The following ADGRG7 variants were observed in gnomAD, a reference collection of about 807,000 sequenced individuals.
ADGRG7 encodes adhesion G protein-coupled receptor G7, also known as G-protein coupled receptor 128.
In ADGRG7, 82 loss-of-function variants were observed where a neutral mutation model predicts 88.6. That is an observed-to-expected ratio of 0.93 (90% confidence interval 0.77 to 1.11). ADGRG7 has a LOEUF of 1.11. ADGRG7 is among the 50% of genes most tolerant of loss of function. The pLI is 0.00. For missense variants in ADGRG7, 945 were observed against 953.4 expected (o/e 0.99, Z 0.12); for synonymous variants, 381 against 345.2 (o/e 1.10, Z -1.15).
At chr3:100,665,290 G>A (rs902197044) in intron 14 of ADGRG7, 11 of 540,536 alleles carry the variant, frequency 2.0e-5, no homozygotes, top group South Asian at 2.8e-5. Context: ...CGAGGTTGTC[G>A]TTCAGGTAGT....
At chr3:100,622,291 T>C (rs114261972) in intron 1 of ADGRG7, among the ~76,000 whole-genome samples, 2,180 of 147,786 alleles carry the variant, frequency 0.015, 47 homozygotes, top group African/African-American at 0.051. Context: ...TTTTTGCTTA[T>C]GGTTGTCCAG....
At chr3:100,632,757 A>G (rs756503638) in intron 3 of ADGRG7, among the ~76,000 whole-genome samples, 1 of 152,186 alleles carries the variant, frequency 6.6e-6, no homozygotes, top group African/African-American at 2.4e-5. Flanking sequence ...GCAACTACTT[A>G]AGTATTAACT....
At position 100,612,056 on chromosome 3, in the gene ADGRG7, A is replaced by C. The variant is rs1707162247; in HGVS notation, c.115+2085A>C. 2.6e-5 allele frequency among the ~76,000 whole-genome samples: 4 copies of C among 152,118 alleles called. No individual in the cohort carries two copies. The South Asian group carries it at 6.2e-4, about 24-fold the overall frequency. The stretch of plus-strand genomic sequence containing the variant: ...TGTCTTAGTAGGGAAAATATATATA[A>C]ACACACAAAATTTTGCATAAATTAA... On this transcript the variant is annotated intron_variant, in intron 1 of 15. Coordinates refer to ENST00000273352, the MANE Select transcript of ADGRG7 (RefSeq NM_032787.3).
At chr3:100,645,474 G>A (rs76224021) in intron 8 of ADGRG7, among the ~76,000 whole-genome samples, 3,547 of 152,272 alleles carry the variant, frequency 0.023, 110 homozygotes, top group African/African-American at 0.069. Context: ...AACACCACTT[G>A]TCCCCTTTGA....
At chr3:100,611,248 C>CTTCT (rs143346795) in intron 1 of ADGRG7, among the ~76,000 whole-genome samples, 47,761 of 95,268 alleles carry the variant, frequency 0.5, 10,129 homozygotes, top group South Asian at 0.59. Context: ...TTTGTTTTTC[C>CTTCT]TTCCTTCCTT....
chr3:100,690,157 T>C lies in ADGRG7; in HGVS notation c.2137-4587T>C, dbSNP rs146746608. On this transcript the variant is annotated intron_variant, in intron 15 of 15. Coordinates refer to ENST00000273352, the MANE Select transcript of ADGRG7 (RefSeq NM_032787.3). Reference sequence around the variant, plus strand: ...CATCGCTGATACCCTTTCTTCCAGTTGATCGCATCAGCTACTGAGGCTTGT... The same window carrying C: ...CATCGCTGATACCCTTTCTTCCAGTCGATCGCATCAGCTACTGAGGCTTGT... Among the ~76,000 whole-genome samples the C allele has an allele frequency of 6.0e-3, 920 of 152,380 alleles. 14 individuals are homozygous for C. Among genetic ancestry groups the C allele is most frequent in the African/African-American group, 0.021 (876 of 41,592 alleles).
intron 14 of ADGRG7, 93 bp from the exon 15 acceptor site, chr3:100,668,856 G>A: frequency 1.2e-6 from 1 of 848,514 alleles, no homozygotes; most frequent in Non-Finnish European, 1.8e-6. Flanking sequence ...TATATGGGCA[G>A]CTGAATATAC....
chr3:100,618,419 T>C (rs191295967), intron 1 of ADGRG7, among the ~76,000 whole-genome samples: 4 of 152,354 alleles, frequency 2.6e-5, no homozygotes, highest in Non-Finnish European at 5.9e-5. Flanking sequence ...GGATCTAGTT[T>C]CAGCTTTCTA....
intron 8 of ADGRG7, among the ~76,000 whole-genome samples, chr3:100,644,093 C>T (rs1437507148): frequency 2.6e-5 from 4 of 152,122 alleles, no homozygotes; most frequent in Non-Finnish European, 4.4e-5. Context: ...GTTATCTCCT[C>T]TCTGTGGTGC....
At chr3:100,637,037 G>A (rs1280171998) in intron 5 of ADGRG7, among the ~76,000 whole-genome samples, 2 of 152,152 alleles carry the variant, frequency 1.3e-5, no homozygotes, top group African/African-American at 4.8e-5. Flanking sequence ...TGGGGAGTCT[G>A]TGAAAGATCT....
At chr3:100,629,179 T>C (rs1707421452) in intron 1 of ADGRG7, among the ~76,000 whole-genome samples, 1 of 152,132 alleles carries the variant, frequency 6.6e-6, no homozygotes, top group South Asian at 2.1e-4. Context: ...CCACATACTA[T>C]CTCTTACCGG....
intron 1 of ADGRG7, among the ~76,000 whole-genome samples, chr3:100,617,694 T>C (rs1707245610): frequency 6.6e-6 from 1 of 152,206 alleles, no homozygotes; most frequent in South Asian, 2.1e-4. Context: ...TGTGTCTTTA[T>C]AGCAGTATGA....
chr3:100,650,610 A>T (rs1161480978), intron 11 of ADGRG7, among the ~76,000 whole-genome samples: 2 of 152,018 alleles, frequency 1.3e-5, no homozygotes, highest in Admixed American at 6.6e-5. Flanking sequence ...CAATCATGGA[A>T]TTTTTTTTAG....
chr3:100,627,821 C>T (rs1232393590), intron 1 of ADGRG7, among the ~76,000 whole-genome samples: 7 of 152,138 alleles, frequency 4.6e-5, no homozygotes, highest in Non-Finnish European at 7.4e-5. Context: ...AGCTGAAGTT[C>T]TTAACAAAAT....
At chr3:100,632,662 C>T (rs16842436) in intron 3 of ADGRG7, among the ~76,000 whole-genome samples, 2,494 of 152,216 alleles carry the variant, frequency 0.016, 71 homozygotes, top group African/African-American at 0.056. Context: ...TAGTTGTTGT[C>T]CCAAGAAGGA....
rs117428102 is a variant in ADGRG7, at chr3:100,633,652, G to T, written c.447+275G>T. Among the ~76,000 whole-genome samples, 109 of 152,168 alleles carry T rather than the reference G, an allele frequency of 7.2e-4. 4 individuals carry two copies. The East Asian group carries it at 0.02, about 28-fold the overall frequency. On this transcript the variant is annotated intron_variant, in intron 4 of 15. Coordinates refer to ENST00000273352, the MANE Select transcript of ADGRG7 (RefSeq NM_032787.3). ...CAATCCTCCTGCATCAGCCTCCTGA[G>T]TAAGCTGGGATTACTCATACCACCG...
chr3:100,625,163 C>T (rs766658955), intron 1 of ADGRG7, among the ~76,000 whole-genome samples: 8 of 152,260 alleles, frequency 5.3e-5, no homozygotes, highest in Admixed American at 2.0e-4. Context: ...TCTTCCTATC[C>T]GTGAAGATGG....
chr3:100,640,709 A>G (rs937293261), intron 6 of ADGRG7, among the ~76,000 whole-genome samples: 3 of 152,050 alleles, frequency 2.0e-5, no homozygotes, highest in African/African-American at 7.3e-5. Context: ...TTTGGTAGAG[A>G]CAGGGTTTCA....
chr3:100,679,383 C>A lies in ADGRG7; in HGVS notation c.2136+10278C>A, dbSNP rs116576507. 4.2e-3 allele frequency among the ~76,000 whole-genome samples: 639 copies of A among 152,332 alleles called. 7 individuals are homozygous for A. The highest frequency in any genetic ancestry group is 0.015 in the African/African-American group (607 of 41,568). ...TCAGGCCCAAGGCAGGTCCAGTAAT[C>A]CTGTCCAGGAGCCGAGGCCTGGAAT... On this transcript the variant is annotated intron_variant, in intron 15 of 15. Coordinates refer to ENST00000273352, the MANE Select transcript of ADGRG7 (RefSeq NM_032787.3).
Sources: gnomAD v4.1 joint callset for allele counts (sites outside exome capture counted in the v4.1 genomes callset) on GRCh38, gnomAD v4.1.1 for gene constraint, MANE v1.5 for transcripts, NCBI Gene and HGNC (gene_info 2026-07-23, HGNC 2026-07-21) for gene names.